The following RFX3 variants were observed in gnomAD, a reference collection of about 807,000 sequenced individuals.
RFX3 encodes transcription factor RFX3.
A neutral mutation model predicts 98.6 loss-of-function variants in RFX3; 14 were observed. The observed-to-expected ratio is 0.14, with a 90% CI of 0.09 to 0.22. RFX3 has a LOEUF of 0.22. Ranked by LOEUF, RFX3 falls within the 10% of genes least tolerant of loss-of-function variation. RFX3 has a pLI of 1.00. For missense variants in RFX3, 639 were observed against 926.9 expected, an observed-to-expected ratio of 0.69 and a Z score of 4.03; for synonymous variants, 383 against 328.4, an observed-to-expected ratio of 1.17 and a Z score of -1.80.
intron 2 of RFX3, among the ~76,000 whole-genome samples, chr9:3,376,161 C>A (rs1838466899): frequency 6.6e-6 from 1 of 151,992 alleles, no homozygotes; most frequent in African/African-American, 2.4e-5. Flanking sequence ...ATTTGCATGG[C>A]TAAAATTAAA....
At chr9:3,275,655 G>C in intron 8 of RFX3, 43 bp from the exon 9 acceptor site, 1 of 1,233,802 alleles carries the variant, frequency 8.1e-7, no homozygotes, top group South Asian at 1.3e-5. Flanking sequence ...ATTGTGGATG[G>C]TGCCAATTAC....
At chr9:3,447,235 A>G (rs1396648242) in intron 1 of RFX3, among the ~76,000 whole-genome samples, 1 of 152,180 alleles carries the variant, frequency 6.6e-6, no homozygotes, top group Non-Finnish European at 1.5e-5. Flanking sequence ...ACACAAGAAA[A>G]AAAAACTGAA....
At chr9:3,262,556 G>C (rs1430646394) in intron 13 of RFX3, among the ~76,000 whole-genome samples, 3 of 152,170 alleles carry the variant, frequency 2.0e-5, no homozygotes, top group Admixed American at 2.0e-4. Flanking sequence ...TAAGACAGGT[G>C]TTGTAAGGTG....
intron 16 of RFX3, among the ~76,000 whole-genome samples, chr9:3,225,694 A>T (rs1397143733): frequency 2.0e-5 from 3 of 150,152 alleles, no homozygotes; most frequent in Non-Finnish European, 4.5e-5. Flanking sequence ...TTCCTCCAAA[A>T]ATCTACACTA....
intron 1 of RFX3, among the ~76,000 whole-genome samples, chr9:3,427,704 C>G (rs1844250428): frequency 6.6e-6 from 1 of 151,930 alleles, no homozygotes; most frequent in Non-Finnish European, 1.5e-5. Flanking sequence ...ACTTGGGACA[C>G]AGCTCCAACA....
intron 1 of RFX3, among the ~76,000 whole-genome samples, chr9:3,489,846 C>G (rs1359511374): frequency 1.3e-5 from 2 of 152,016 alleles, no homozygotes; most frequent in Non-Finnish European, 2.9e-5. Context: ...AGTTCCAGTG[C>G]TCTTTCTTTA....
intron 13 of RFX3, 49 bp from the exon 14 acceptor site, chr9:3,257,248 T>G: frequency 6.6e-7 from 1 of 1,504,164 alleles, no homozygotes; most frequent in Non-Finnish European, 9.2e-7. Flanking sequence ...TCAGCATCCT[T>G]TCATTGAATG....
At chr9:3,481,635 TA>T (rs910322540) in intron 1 of RFX3, among the ~76,000 whole-genome samples, 1 of 150,844 alleles carries the variant, frequency 6.6e-6, no homozygotes, top group Non-Finnish European at 1.5e-5. Flanking sequence ...ATTTTTAAAC[TA>T]AAAAAAAGGT....
intron 1 of RFX3, among the ~76,000 whole-genome samples, chr9:3,510,612 A>C (rs1817576454): frequency 6.6e-6 from 1 of 152,042 alleles, no homozygotes; most frequent in African/African-American, 2.4e-5. Flanking sequence ...AAGCCAAATA[A>C]AATTATACTT....
chr9:3,423,842 C>A (rs1843692195), intron 1 of RFX3, among the ~76,000 whole-genome samples: 1 of 128,566 alleles, frequency 7.8e-6, no homozygotes, highest in Non-Finnish European at 1.6e-5. Context: ...AGAACAAAAT[C>A]TTAGAATATA....
At chr9:3,232,644 T>C (rs1364080616) in intron 15 of RFX3, among the ~76,000 whole-genome samples, 1 of 152,198 alleles carries the variant, frequency 6.6e-6, no homozygotes, top group Non-Finnish European at 1.5e-5. Flanking sequence ...AACTTAGGAA[T>C]TTGGCAAGTT....
intron 13 of RFX3, among the ~76,000 whole-genome samples, chr9:3,258,668 G>T (rs1242825092): frequency 2.0e-5 from 3 of 151,782 alleles, no homozygotes; most frequent in Non-Finnish European, 4.4e-5. Flanking sequence ...AGAAAAAACT[G>T]TGAATACAAA....
intron 1 of RFX3, among the ~76,000 whole-genome samples, chr9:3,482,196 C>G (rs1849825376): frequency 1.3e-5 from 2 of 151,386 alleles, no homozygotes; most frequent in South Asian, 4.2e-4. Context: ...TTATTCATTA[C>G]CATTAAAAGA....
At chr9:3,348,027 A>C (rs1345781256) in intron 2 of RFX3, among the ~76,000 whole-genome samples, 1 of 152,206 alleles carries the variant, frequency 6.6e-6, no homozygotes, top group African/African-American at 2.4e-5. Flanking sequence ...TGGTTTTTTC[A>C]AAGTAAGATC....
At chr9:3,293,768 C>T (rs764966408) in intron 5 of RFX3, among the ~76,000 whole-genome samples, 9 of 152,148 alleles carry the variant, frequency 5.9e-5, no homozygotes, top group Non-Finnish European at 1.2e-4. Context: ...CAAATTACCA[C>T]TAGATAATAA....
At chr9:3,508,548 G>A (rs902508124) in intron 1 of RFX3, among the ~76,000 whole-genome samples, 1 of 151,872 alleles carries the variant, frequency 6.6e-6, no homozygotes, top group Non-Finnish European at 1.5e-5. Context: ...ATAAAAAAGA[G>A]GAACTTCTAG....
chr9:3,456,376 A>C (rs746928462), intron 1 of RFX3, among the ~76,000 whole-genome samples: 6 of 152,226 alleles, frequency 3.9e-5, no homozygotes, highest in Non-Finnish European at 5.9e-5. Flanking sequence ...TATGTTAATC[A>C]GTATTACAGA....
intron 2 of RFX3, among the ~76,000 whole-genome samples, chr9:3,356,965 ACACACACG>A (rs59693841): frequency 0.036 from 5,157 of 143,522 alleles, 291 homozygotes; most frequent in African/African-American, 0.14. Context: ...ACACACATGC[ACACACACG>A]CACACACACA....
chr9:3,508,986 G>A (rs1375404503), intron 1 of RFX3, among the ~76,000 whole-genome samples: 1 of 151,566 alleles, frequency 6.6e-6, no homozygotes, highest in Non-Finnish European at 1.5e-5. Flanking sequence ...CAGAAAGAGA[G>A]ACACAGAGAG....
Sources: gnomAD v4.1 joint callset for allele counts (sites outside exome capture counted in the v4.1 genomes callset) on GRCh38, gnomAD v4.1.1 for gene constraint, MANE v1.5 for transcripts, NCBI Gene and HGNC (gene_info 2026-07-23, HGNC 2026-07-21) for gene names.